Variants in TAFA4 observed in about 807,000 individuals in gnomAD.
TAFA4 encodes the protein chemokine-like protein TAFA-4.
Under a neutral mutation model 21.1 loss-of-function variants are expected in TAFA4, and 20 were observed. That is an observed-to-expected ratio of 0.95 (90% confidence interval 0.67 to 1.38). TAFA4 has a LOEUF of 1.38. Ranked by LOEUF, TAFA4 falls within the 40% of genes most tolerant of loss-of-function variation. The pLI is 0.00. For missense variants in TAFA4, 211 were observed against 180.9 expected (o/e 1.17, Z -0.95); for synonymous variants, 71 against 67.4 (o/e 1.05, Z -0.26).
rs1356822465 is a variant in TAFA4 at position 68,753,087 on chromosome 3, A to T, written c.131-69T>A. 5 of 1,426,594 alleles carry T rather than the reference A, an allele frequency of 3.5e-6. No individual in the cohort carries two copies. The East Asian group carries it at 9.3e-5, about 26-fold the overall frequency. The allele number at this position is 1,426,594 out of a possible 1,614,324, so 88.4% of individuals were successfully genotyped here. On this transcript the variant is annotated intron_variant, in intron 3 of 5. Coordinates refer to ENST00000295569, the MANE Select transcript of TAFA4 (RefSeq NM_182522.5). Reference sequence around the variant, plus strand: ...AGGAAATGACACCACCAAAACCAAAATGATGCTATGATGACATTTTCCAAC... The same window carrying T: ...AGGAAATGACACCACCAAAACCAAATTGATGCTATGATGACATTTTCCAAC...
chr3:68,787,911 A>C (rs1703290260), intron 3 of TAFA4, among the ~76,000 whole-genome samples: 1 of 152,222 alleles, frequency 6.6e-6, no homozygotes, highest in African/African-American at 2.4e-5. Flanking sequence ...CAAGGCTCTG[A>C]AAATGTTTTA....
At chr3:68,830,663 C>T (rs560052067) in intron 3 of TAFA4, among the ~76,000 whole-genome samples, 11 of 152,118 alleles carry the variant, frequency 7.2e-5, no homozygotes, top group Non-Finnish European at 1.3e-4. Flanking sequence ...ATGTATATTC[C>T]GTTGATTTGG....
At chr3:68,837,386 T>C (rs1704549107) in intron 3 of TAFA4, among the ~76,000 whole-genome samples, 1 of 152,210 alleles carries the variant, frequency 6.6e-6, no homozygotes, top group South Asian at 2.1e-4. Context: ...CCACAAAGTG[T>C]GCCCATGAGG....
At chr3:68,929,420 A>G (rs1426016287) in intron 1 of TAFA4, among the ~76,000 whole-genome samples, 3 of 152,204 alleles carry the variant, frequency 2.0e-5, no homozygotes, top group Non-Finnish European at 4.4e-5. Context: ...ATCTTGACAA[A>G]TTAGGATAAA....
intron 3 of TAFA4, among the ~76,000 whole-genome samples, chr3:68,781,510 A>G (rs535677216): frequency 5.5e-4 from 84 of 152,232 alleles, no homozygotes; most frequent in Non-Finnish European, 9.4e-4. Context: ...TCGTGCCAAT[A>G]AGTTTGATAA....
At chr3:68,906,433 T>C (rs1252507094) in intron 1 of TAFA4, among the ~76,000 whole-genome samples, 4 of 152,214 alleles carry the variant, frequency 2.6e-5, no homozygotes, top group African/African-American at 9.7e-5. Context: ...ATGTACCAAA[T>C]ACTATGTTGA....
At chr3:68,787,826 A>C (rs868666343) in intron 3 of TAFA4, among the ~76,000 whole-genome samples, 1 of 152,264 alleles carries the variant, frequency 6.6e-6, no homozygotes, top group Non-Finnish European at 1.5e-5. Context: ...CATGTTGTGT[A>C]ATAAAGCTTC....
intron 3 of TAFA4, among the ~76,000 whole-genome samples, chr3:68,791,679 A>G (rs888318031): frequency 1.3e-5 from 2 of 152,216 alleles, no homozygotes; most frequent in Non-Finnish European, 2.9e-5. Flanking sequence ...GAAATAAACC[A>G]TACTGTGCCT....
chr3:68,797,131 G>C lies in TAFA4; in HGVS notation c.131-44113C>G, dbSNP rs191046140. Among the ~76,000 whole-genome samples, 327 of 152,250 alleles carry C rather than the reference G, an allele frequency of 2.1e-3. 3 individuals carry two copies. The highest frequency in any genetic ancestry group is 0.02 in the Admixed American group (304 of 15,276). On this transcript the variant is annotated intron_variant, in intron 3 of 5. Transcript: ENST00000295569. The stretch of plus-strand genomic sequence containing the variant: ...AAAAACAGAATTACCACATGATCTG[G>C]TAATCCCACTTCTGGATATATATCC...
rs1484472753 is a variant in TAFA4 at position 68,783,669 on chromosome 3, CACACAGAGAG to C, written c.131-30661_131-30652del. Among the ~76,000 whole-genome samples, 105 of 106,624 alleles carry C rather than the reference CACACAGAGAG, an allele frequency of 9.8e-4. 1 individual carries two copies. Among genetic ancestry groups the C allele is most frequent in the East Asian group, 2.6e-3 (10 of 3,852 alleles). The allele number at this position is 106,624 out of a possible 152,430, so 69.9% of individuals were successfully genotyped here. On this transcript the variant is annotated intron_variant, in intron 3 of 5. Coordinates refer to ENST00000295569, the MANE Select transcript of TAFA4 (RefSeq NM_182522.5). Reference sequence around the variant, plus strand: ...TTCAAAGAAAAATCACAGACACACACACACAGAGAGAGAGAGAGAGAGAGAGAGAGAGAGA... The same window carrying C: ...TTCAAAGAAAAATCACAGACACACACAGAGAGAGAGAGAGAGAGAGAGAGA...
At chr3:68,911,465 C>A (rs1236053231) in intron 1 of TAFA4, among the ~76,000 whole-genome samples, 2 of 152,226 alleles carry the variant, frequency 1.3e-5, no homozygotes, top group South Asian at 2.1e-4. Flanking sequence ...ACCTCACACA[C>A]CCCAGGTGAT....
At chr3:68,822,210 C>T (rs1225247763) in intron 3 of TAFA4, among the ~76,000 whole-genome samples, 3 of 152,266 alleles carry the variant, frequency 2.0e-5, no homozygotes, top group East Asian at 1.9e-4. Flanking sequence ...AACAATTTAA[C>T]GAGCATTTGG....
chr3:68,762,470 G>C (rs1438199246), intron 3 of TAFA4, among the ~76,000 whole-genome samples: 1 of 152,156 alleles, frequency 6.6e-6, no homozygotes, highest in Non-Finnish European at 1.5e-5. Flanking sequence ...GAAATGGGTA[G>C]AGCATCAAAG....
intron 5 of TAFA4, among the ~76,000 whole-genome samples, chr3:68,737,775 C>T (rs1046535466): frequency 1.3e-5 from 2 of 152,122 alleles, no homozygotes; most frequent in Non-Finnish European, 2.9e-5. Context: ...AGTTCTCATT[C>T]AAAGTATTCA....
At chr3:68,762,257 T>G (rs1702770295) in intron 3 of TAFA4, among the ~76,000 whole-genome samples, 1 of 151,180 alleles carries the variant, frequency 6.6e-6, no homozygotes. Flanking sequence ...TTGGAATGGG[T>G]TGGAGAGAGA....
At chr3:68,881,308 C>A (rs371669941) in intron 2 of TAFA4, among the ~76,000 whole-genome samples, 145 of 152,296 alleles carry the variant, frequency 9.5e-4, no homozygotes, top group African/African-American at 3.2e-3. Context: ...GTCTGGAAGA[C>A]TAGGTTCATA....
At chr3:68,917,747 C>G (rs1219893647) in intron 1 of TAFA4, among the ~76,000 whole-genome samples, 2 of 77,968 alleles carry the variant, frequency 2.6e-5, no homozygotes, top group South Asian at 7.2e-4. Context: ...GAGCGAGACT[C>G]TGTCTCAAAA....
chr3:68,874,567 C>A (rs1464177000), intron 3 of TAFA4, among the ~76,000 whole-genome samples: 1 of 151,970 alleles, frequency 6.6e-6, no homozygotes, highest in Non-Finnish European at 1.5e-5. Flanking sequence ...AGTCTAAGGC[C>A]GTGGCTTGAA....
intron 3 of TAFA4, among the ~76,000 whole-genome samples, chr3:68,827,042 C>T (rs1274239560): frequency 2.1e-4 from 31 of 147,132 alleles, no homozygotes; most frequent in Non-Finnish European, 4.0e-4. Context: ...CCCAGCCCCC[C>T]ACCCCCCAAC....
Sources: allele counts gnomAD v4.1 joint callset (sites outside exome capture counted in the v4.1 genomes callset), GRCh38; gene constraint gnomAD v4.1.1; transcripts MANE v1.5; gene names NCBI Gene and HGNC (gene_info 2026-07-23, HGNC 2026-07-21).